The following BAIAP2 variants were observed in gnomAD, a reference collection of about 807,000 sequenced individuals.
BAIAP2 encodes the protein BAR/IMD domain containing adaptor protein 2.
Under a neutral mutation model 63.0 loss-of-function variants are expected in BAIAP2, and 18 were observed. The observed-to-expected ratio is 0.29, with a 90% CI of 0.20 to 0.42. The LOEUF (loss-of-function observed/expected upper bound fraction) is 0.42. Among genes scored for constraint, BAIAP2 ranks in the 10% least tolerant of loss-of-function variants. The pLI is 1.00. For synonymous variants in BAIAP2, 386 were observed against 307.6 expected (o/e 1.25, Z -2.67); for missense variants, 610 against 734.3 (o/e 0.83, Z 1.96).
chr17:81,078,099 G>A (rs1294072344), intron 3 of BAIAP2, among the ~76,000 whole-genome samples: 10 of 150,430 alleles, frequency 6.6e-5, no homozygotes, highest in South Asian at 2.1e-4. Flanking sequence ...GTGCCGGTGC[G>A]GGTGTCGTCT....
At chr17:81,084,377 A>C (rs560453876) in intron 3 of BAIAP2, among the ~76,000 whole-genome samples, 1 of 152,176 alleles carries the variant, frequency 6.6e-6, no homozygotes, top group African/African-American at 2.4e-5. Context: ...GCGTGTGCCC[A>C]TGGGTGTCCC....
chr17:81,037,976 G>T (rs1422903580), intron 1 of BAIAP2, among the ~76,000 whole-genome samples: 2 of 152,272 alleles, frequency 1.3e-5, no homozygotes, highest in Non-Finnish European at 2.9e-5. Flanking sequence ...GGAATTTCAT[G>T]GAAGATGAAG....
chr17:81,088,354 C>T (rs2056088177), intron 6 of BAIAP2, among the ~76,000 whole-genome samples: 1 of 152,226 alleles, frequency 6.6e-6, no homozygotes, highest in Admixed American at 6.5e-5. Context: ...CCCTTCTGCC[C>T]TCGAGGCTCT....
intron 4 of BAIAP2, 34 bp from the exon 5 acceptor site, chr17:81,085,620 G>A (rs1217390759): frequency 5.7e-6 from 9 of 1,586,334 alleles, no homozygotes; most frequent in Non-Finnish European, 7.8e-6. Flanking sequence ...ATGTGTTGGA[G>A]CTGACGGCTG....
At chr17:81,036,862 G>C (rs1365229485) in intron 1 of BAIAP2, 2 of 1,535,644 alleles carry the variant, frequency 1.3e-6, no homozygotes. Context: ...TGTGATTGCA[G>C]AGGGTGGAAG....
intron 1 of BAIAP2, among the ~76,000 whole-genome samples, chr17:81,051,830 C>T (rs989161270): frequency 1.3e-5 from 2 of 152,204 alleles, no homozygotes; most frequent in South Asian, 2.1e-4. Context: ...GCTGGGACTA[C>T]AGGCATGCAC....
At chr17:81,111,027 CA>C in intron 13 of BAIAP2, 1 of 1,586,490 alleles carries the variant, frequency 6.3e-7, no homozygotes, top group Non-Finnish European at 8.6e-7. Flanking sequence ...CCTCTGGCCT[CA>C]GTCACGCAGC....
chr17:81,090,325 C>T (rs1420242486), intron 6 of BAIAP2, among the ~76,000 whole-genome samples: 1 of 152,222 alleles, frequency 6.6e-6, no homozygotes, highest in African/African-American at 2.4e-5. Flanking sequence ...AACCTTCTCA[C>T]GGTGCCTGCG....
At chr17:81,104,178 C>T in intron 9 of BAIAP2, 70 bp downstream of exon 9, 1 of 1,536,034 alleles carries the variant, frequency 6.5e-7, no homozygotes, top group Non-Finnish European at 8.9e-7. Flanking sequence ...AGTCATGCCA[C>T]AACCCTCAAT....
intron 3 of BAIAP2, among the ~76,000 whole-genome samples, chr17:81,060,799 A>G (rs1043635234): frequency 4.6e-5 from 7 of 152,138 alleles, no homozygotes; most frequent in Non-Finnish European, 5.9e-5. Flanking sequence ...CTAAGAGGGC[A>G]GGTTTATGCC....
intron 3 of BAIAP2, among the ~76,000 whole-genome samples, chr17:81,070,393 C>T (rs539856282): frequency 7.9e-5 from 12 of 152,336 alleles, no homozygotes; most frequent in South Asian, 4.1e-4. Context: ...TGTGCTCTGC[C>T]GGGCAACCTT....
rs1233799684 is a variant in BAIAP2 at position 81,042,121 on chromosome 17, T to TA, written c.54+6813_54+6814insA. 7.5e-4 allele frequency among the ~76,000 whole-genome samples: 107 copies of TA among 142,548 alleles called. 2 individuals carry two copies. Among genetic ancestry groups the TA allele is most frequent in the African/African-American group, 2.4e-3 (92 of 38,388 alleles). 93.5% of individuals were successfully genotyped at this position (142,548 alleles called of 152,430 possible). A position where few individuals can be genotyped will look rare whatever the true frequency, so the allele number is the denominator to read the frequency against. ...CTCTTCCATTTTTGTTACTGGCACT[T>TA]TTTTTTTTCTTTTCTTTTTTCTTTT... On this transcript the variant is annotated intron_variant, in intron 1 of 13. Transcript: ENST00000428708.
chr17:81,086,012 G>A (rs983754387), intron 5 of BAIAP2, among the ~76,000 whole-genome samples: 7 of 152,324 alleles, frequency 4.6e-5, no homozygotes, highest in Admixed American at 3.9e-4. Context: ...GCCGGGGAGT[G>A]CAGGAGCTCC....
chr17:81,086,157 G>A (rs1302827152), intron 5 of BAIAP2, among the ~76,000 whole-genome samples: 2 of 152,106 alleles, frequency 1.3e-5, no homozygotes, highest in African/African-American at 2.4e-5. Flanking sequence ...AGTGGTGGGC[G>A]GGAGGGGTGG....
At chr17:81,101,280 G>A (rs1370620095) in intron 7 of BAIAP2, among the ~76,000 whole-genome samples, 1 of 152,114 alleles carries the variant, frequency 6.6e-6, no homozygotes, top group Non-Finnish European at 1.5e-5. Flanking sequence ...GGCTGCAGCA[G>A]CCCCCTCCAT....
chr17:81,092,281 C>A (rs2056903186), intron 6 of BAIAP2, among the ~76,000 whole-genome samples: 1 of 152,212 alleles, frequency 6.6e-6, no homozygotes, highest in Admixed American at 6.5e-5. Flanking sequence ...CTTCATGCTC[C>A]AGGGTGCCTA....
At chr17:81,036,696 A>T (rs187555920) in intron 1 of BAIAP2, among the ~76,000 whole-genome samples, 220 of 152,354 alleles carry the variant, frequency 1.4e-3, no homozygotes, top group African/African-American at 5.1e-3. Flanking sequence ...TGACCTGAGG[A>T]GTCGGCTTGG....
intron 6 of BAIAP2, among the ~76,000 whole-genome samples, chr17:81,091,060 G>A (rs1391065978): frequency 1.3e-5 from 1 of 79,848 alleles, no homozygotes; most frequent in East Asian, 3.1e-4. Flanking sequence ...CCCCACTTGT[G>A]TGGACCCGCC....
chr17:81,068,917 G>A (rs940663919), intron 3 of BAIAP2, among the ~76,000 whole-genome samples: 5 of 152,110 alleles, frequency 3.3e-5, no homozygotes, highest in African/African-American at 9.7e-5. Context: ...CTGTGTGCCC[G>A]CTGCCGAGCT....
Sources: allele counts gnomAD v4.1 joint callset (sites outside exome capture counted in the v4.1 genomes callset), GRCh38; gene constraint gnomAD v4.1.1; transcripts MANE v1.5; gene names NCBI Gene and HGNC (gene_info 2026-07-23, HGNC 2026-07-21).